Variants in KIF16B observed in about 807,000 individuals in gnomAD.
KIF16B encodes kinesin-like protein KIF16B.
KIF16B carries 98 observed loss-of-function variants against 156.3 expected under a neutral mutation model. That is an observed-to-expected ratio of 0.63 (90% confidence interval 0.53 to 0.74). The LOEUF (loss-of-function observed/expected upper bound fraction) is 0.74, where lower values mean the gene tolerates loss of function less well. Among genes scored for constraint, KIF16B ranks in the 30% least tolerant of loss-of-function variants. The pLI is 0.00. For missense variants in KIF16B, 1,421 were observed against 1,606.5 expected, an observed-to-expected ratio of 0.88 and a Z score of 1.97; for synonymous variants, 564 against 583.7, an observed-to-expected ratio of 0.97 and a Z score of 0.49.
chr20:16,382,174 C>T (rs1425564434), intron 17 of KIF16B: 1 of 1,222,798 alleles, frequency 8.2e-7, no homozygotes, highest in Non-Finnish European at 1.1e-6. Context: ...AGAGAGAGCA[C>T]AGACATCAAT....
chr20:16,508,167 C>T, intron 6 of KIF16B, 67 bp from the exon 7 acceptor site: 2 of 1,553,982 alleles, frequency 1.3e-6, no homozygotes, highest in Admixed American at 1.7e-5. Flanking sequence ...ACAAAATTAC[C>T]CTCTATGAAA....
At chr20:16,301,913 G>C (rs1346822478) in intron 25 of KIF16B, among the ~76,000 whole-genome samples, 3 of 152,178 alleles carry the variant, frequency 2.0e-5, no homozygotes, top group African/African-American at 7.2e-5. Flanking sequence ...GCCTCTCAAA[G>C]TGTTGGGATT....
At position 16,335,931 on chromosome 20, in the gene KIF16B, C is replaced by T. The variant is rs550295254; in HGVS notation, c.3706G>A (p.Ala1236Thr). The T allele has an allele frequency of 6.7e-7, 1 of 1,499,646 alleles. No individual in the cohort carries two copies. Among genetic ancestry groups the T allele is most frequent in the East Asian group, 2.4e-5 (1 of 40,930 alleles). 92.9% of individuals were successfully genotyped at this position (1,499,646 alleles called of 1,614,324 possible). A position where few individuals can be genotyped will look rare whatever the true frequency, so the allele number is the denominator to read the frequency against. Residue 1236 changes from alanine to threonine, a missense_variant, in exon 24 of 26, where the codon GCA becomes ACA. Coordinates refer to ENST00000354981, the MANE Select transcript of KIF16B (RefSeq NM_024704.5). ...EMHKTLKLKY[A>T]ELAALEFPPK... The stretch of plus-strand genomic sequence containing the variant: ...ATAATAATTTCATAACTTACCTCTG[C>T]ATACTTTAACTTCAATGTTTTATGC...
chr20:16,505,442 T>C (rs1276504533), intron 9 of KIF16B, among the ~76,000 whole-genome samples: 1 of 152,194 alleles, frequency 6.6e-6, no homozygotes, highest in African/African-American at 2.4e-5. Flanking sequence ...TCCTATGAGG[T>C]AAATTTCTAC....
intron 22 of KIF16B, among the ~76,000 whole-genome samples, chr20:16,363,642 G>C (rs1390475697): frequency 6.6e-6 from 1 of 152,138 alleles, no homozygotes; most frequent in African/African-American, 2.4e-5. Flanking sequence ...GCAAAGGCTT[G>C]CAGGACTGCC....
At chr20:16,381,997 CTG>C (rs2065107464) in intron 17 of KIF16B, 1 of 938,648 alleles carries the variant, frequency 1.1e-6, no homozygotes, top group Non-Finnish European at 1.5e-6. Context: ...AAAACAAAAA[CTG>C]TATTGAAAAA....
At chr20:16,483,890 C>T (rs1231994860) in intron 12 of KIF16B, among the ~76,000 whole-genome samples, 1 of 152,138 alleles carries the variant, frequency 6.6e-6, no homozygotes, top group Non-Finnish European at 1.5e-5. Context: ...TCCTGGGTGA[C>T]ATAAACAATC....
intron 1 of KIF16B, among the ~76,000 whole-genome samples, chr20:16,560,510 A>G (rs1016536279): frequency 6.6e-6 from 1 of 152,244 alleles, no homozygotes; most frequent in Non-Finnish European, 1.5e-5. Flanking sequence ...CTACACTCTT[A>G]AAAGTTTAAA....
intron 1 of KIF16B, among the ~76,000 whole-genome samples, chr20:16,534,685 T>C (rs1020785751): frequency 6.6e-5 from 10 of 152,206 alleles, no homozygotes; most frequent in South Asian, 2.1e-4. Flanking sequence ...AGTTGACTTT[T>C]GTATACAGTG....
chr20:16,373,351 C>T (rs1026033026), intron 20 of KIF16B, among the ~76,000 whole-genome samples: 2 of 152,164 alleles, frequency 1.3e-5, no homozygotes, highest in Admixed American at 1.3e-4. Flanking sequence ...AAATATATAT[C>T]TCCTAATATC....
chr20:16,376,676 TGTAATCAC>T (rs2064959550), intron 19 of KIF16B, among the ~76,000 whole-genome samples: 1 of 152,240 alleles, frequency 6.6e-6, no homozygotes, highest in Non-Finnish European at 1.5e-5. Context: ...ACTCCCATTG[TGTAATCAC>T]TTCCGTGGAA....
At chr20:16,566,894 C>T (rs1265519862) in intron 1 of KIF16B, among the ~76,000 whole-genome samples, 2 of 152,174 alleles carry the variant, frequency 1.3e-5, no homozygotes, top group East Asian at 1.9e-4. Context: ...GTTATACTGG[C>T]CAGCATAGGG....
chr20:16,508,038 T>C lies in KIF16B; in HGVS notation c.619A>G (p.Ile207Val). 6.2e-7 allele frequency: 1 copy of C among 1,614,094 alleles called. No individual in the cohort carries two copies. The highest frequency in any genetic ancestry group is 8.5e-7 in the Non-Finnish European group (1 of 1,179,990). The part of the protein sequence containing the change: ...DVEELMDAGN[I>V]NRTTAATGMN... ...CCAGTCGCTGCGGTGGTCCGGTTGA[T>C]ATTGCCCGCATCCATAAGTTCTTCT... The change falls in exon 7 of 26, where the codon ATC becomes GTC. Residue 207 changes from isoleucine (I) to valine (V), a missense_variant. Transcript: ENST00000354981.
At chr20:16,572,974 G>A (rs1274886331) in intron 1 of KIF16B, among the ~76,000 whole-genome samples, 2 of 152,092 alleles carry the variant, frequency 1.3e-5, no homozygotes, top group East Asian at 3.9e-4. Context: ...GGGGGAACAA[G>A]AACATCTCAA....
chr20:16,540,753 A>G (rs6034522), intron 1 of KIF16B, among the ~76,000 whole-genome samples: 85,471 of 152,000 alleles, frequency 0.56, 24,196 homozygotes, highest in African/African-American at 0.62. Context: ...ACCCAAGAGC[A>G]CTTCTCTTTT....
chr20:16,535,448 G>C (rs2069922158), intron 1 of KIF16B, among the ~76,000 whole-genome samples: 1 of 152,106 alleles, frequency 6.6e-6, no homozygotes, highest in African/African-American at 2.4e-5. Context: ...AGGACAATTT[G>C]ACTTCCTCTT....
intron 12 of KIF16B, among the ~76,000 whole-genome samples, chr20:16,448,818 T>C (rs2067002593): frequency 6.6e-6 from 1 of 151,558 alleles, no homozygotes; most frequent in South Asian, 2.1e-4. Context: ...CTATTCTGCT[T>C]ACAATAAGAA....
At chr20:16,380,883 G>A (rs2065077719) in intron 18 of KIF16B, among the ~76,000 whole-genome samples, 1 of 152,174 alleles carries the variant, frequency 6.6e-6, no homozygotes, top group African/African-American at 2.4e-5. Context: ...TCCAGAGGAA[G>A]AACACAGAGT....
At chr20:16,521,133 C>T (rs956081890) in intron 3 of KIF16B, among the ~76,000 whole-genome samples, 7 of 152,184 alleles carry the variant, frequency 4.6e-5, no homozygotes, top group Non-Finnish European at 1.0e-4. Flanking sequence ...TACAACTCCT[C>T]ACCAGCAAGG....
Sources: gnomAD v4.1 joint callset for allele counts (sites outside exome capture counted in the v4.1 genomes callset) on GRCh38, gnomAD v4.1.1 for gene constraint, MANE v1.5 for transcripts, NCBI Gene and HGNC (gene_info 2026-07-23, HGNC 2026-07-21) for gene names.